The following PDE6A variants were observed in gnomAD, a reference collection of about 807,000 sequenced individuals.
PDE6A encodes phosphodiesterase 6A.
PDE6A carries 84 observed loss-of-function variants against 106.3 expected under a neutral mutation model. The ratio of observed to expected loss-of-function variants is 0.79; its 90% CI spans 0.66 to 0.95. PDE6A has a LOEUF of 0.95. PDE6A is among the 40% of genes least tolerant of loss of function. The pLI is 0.00. For synonymous variants in PDE6A, 394 were observed against 386.6 expected (o/e 1.02, Z -0.23); for missense variants, 1,052 against 1,084.9 (o/e 0.97, Z 0.43).
chr5:149,872,612 CT>C (rs1361974314), intron 17 of PDE6A, among the ~76,000 whole-genome samples: 1 of 152,190 alleles, frequency 6.6e-6, no homozygotes, highest in Non-Finnish European at 1.5e-5. Context: ...CAGCCTTCCT[CT>C]TAGCCAGCCC....
At chr5:149,871,005 G>T (rs1033824708) in intron 17 of PDE6A, among the ~76,000 whole-genome samples, 5 of 152,100 alleles carry the variant, frequency 3.3e-5, no homozygotes, top group African/African-American at 9.7e-5. Flanking sequence ...CTCAGTCCAG[G>T]TGCCATCTAA....
At chr5:149,909,426 CT>C (rs1317728564) in intron 6 of PDE6A, among the ~76,000 whole-genome samples, 4 of 152,232 alleles carry the variant, frequency 2.6e-5, no homozygotes, top group Non-Finnish European at 5.9e-5. Flanking sequence ...AGATGGTTTG[CT>C]CTACGAGACT....
intron 3 of PDE6A, among the ~76,000 whole-genome samples, chr5:149,931,546 A>T (rs188230520): frequency 6.6e-6 from 1 of 152,362 alleles, no homozygotes; most frequent in Admixed American, 6.5e-5. Flanking sequence ...ATTAATCTGT[A>T]CAAGTACCTA....
chr5:149,934,655 A>T lies in PDE6A; in HGVS notation c.538T>A (p.Ser180Thr). 1 of 1,613,860 alleles carries T rather than the reference A, an allele frequency of 6.2e-7. No homozygotes were observed. Among genetic ancestry groups the T allele is most frequent in the Non-Finnish European group, 8.5e-7 (1 of 1,179,768 alleles). Reference protein sequence around the residue: ...TEYKTKNILASPIMNGKDVVA... With the variant: ...TEYKTKNILATPIMNGKDVVA... ...ACATCCTTCCCATTCATTATGGGGG[A>T]AGCCAAGATGTTCTTGGTCTTGTAC... is the stretch of plus-strand genomic sequence containing the variant. The change falls in exon 2 of 22, where the codon TCC becomes ACC. Residue 180 changes from serine to threonine, a missense_variant. Ser to Thr is a moderately conservative substitution (Grantham distance 58, BLOSUM62 1). This residue lies in a region of PDE6A where 913 missense variants were observed against 915.2 expected (regional missense o/e 1.00). Transcript: ENST00000255266.
intron 17 of PDE6A, among the ~76,000 whole-genome samples, chr5:149,871,260 A>G (rs148169469): frequency 6.7e-4 from 102 of 152,310 alleles, no homozygotes; most frequent in African/African-American, 2.2e-3. Flanking sequence ...CTGGCTAGGA[A>G]GAGGCTGGGC....
At chr5:149,897,721 C>G (rs997520106) in intron 10 of PDE6A, among the ~76,000 whole-genome samples, 10 of 152,078 alleles carry the variant, frequency 6.6e-5, no homozygotes, top group African/African-American at 2.2e-4. Context: ...GCTGGGACTA[C>G]AGGCACACGC....
At chr5:149,920,942 A>AAAGAAAGAAAGAAAGAAAGAAAG (rs1554091210) in intron 5 of PDE6A, among the ~76,000 whole-genome samples, 1 of 108,282 alleles carries the variant, frequency 9.2e-6, no homozygotes. Flanking sequence ...GAAAGAGAGA[A>AAAGAAAGAAAGAAAGAAAGAAAG]AAAGAAAGAA....
rs1396376612 is a variant in PDE6A, at chr5:149,921,667, G to T, written c.901C>A (p.Pro301Thr). The T allele has an allele frequency of 1.2e-6, 2 of 1,613,808 alleles. No individual in the cohort carries two copies. Among genetic ancestry groups the T allele is most frequent in the African/African-American group, 2.7e-5 (2 of 74,900 alleles). The change falls in exon 5 of 22, where the codon CCT becomes ACT. Residue 301 changes from proline to threonine, a missense_variant. Physicochemically the swap from Pro to Thr is conservative, Grantham distance 38 (BLOSUM62 -1). Around this residue, in one of 3 missense-constraint regions of PDE6A, gnomAD observed 913 missense variants for 915.2 expected, o/e 1.00. Transcript: ENST00000255266. Reference sequence around the variant, plus strand: ...TCCGGAGTCCTGGGACCAGAGTAAGGTGGAACTTCACCCATCAGAACCGGC... The same window carrying T: ...TCCGGAGTCCTGGGACCAGAGTAAGTTGGAACTTCACCCATCAGAACCGGC... ...VWPVLMGEVP[P>T]YSGPRTPDGR...
At chr5:149,899,301 C>G in intron 9 of PDE6A, 74 bp downstream of exon 9, 2 of 1,470,356 alleles carry the variant, frequency 1.4e-6, no homozygotes, top group South Asian at 1.1e-5. Context: ...CATGTGATAG[C>G]GCAGTGACAC....
intron 1 of PDE6A, among the ~76,000 whole-genome samples, chr5:149,941,135 C>T (rs147414323): frequency 2.0e-3 from 304 of 152,280 alleles, no homozygotes; most frequent in Non-Finnish European, 3.6e-3. Context: ...GAAATTATTG[C>T]ATAATTACTT....
rs572454461 is a variant in PDE6A at position 149,861,500 on chromosome 5, A to C, written c.2507-529T>G. On this transcript the variant is annotated intron_variant, in intron 21 of 21. Coordinates refer to ENST00000255266, the MANE Select transcript of PDE6A (RefSeq NM_000440.3). ...CTGGTTTCTACAAAAAAATACAAAA[A>C]TTGGCCAGGCATGGTTGCATACACC... 1.5e-4 allele frequency among the ~76,000 whole-genome samples: 23 copies of C among 152,200 alleles called. No homozygotes were observed. The East Asian group carries it at 2.9e-3, about 19-fold the overall frequency.
At chr5:149,884,197 A>AT (rs1396828370) in intron 16 of PDE6A, among the ~76,000 whole-genome samples, 2,792 of 142,414 alleles carry the variant, frequency 0.02, 59 homozygotes, top group Middle Eastern at 0.051. Flanking sequence ...AGAAAAAAAA[A>AT]AAATATATAT....
Position 149,863,133 on chromosome 5 carries a change from T to G in PDE6A, c.2492A>C (p.Gln831Pro). 1 of 1,614,232 alleles carries G rather than the reference T, an allele frequency of 6.2e-7. No individual in the cohort carries two copies. The highest frequency in any genetic ancestry group is 8.5e-7 in the Non-Finnish European group (1 of 1,180,042). The change falls in exon 21 of 22, where the codon CAG (glutamine) becomes CCG (proline). Residue 831 changes from glutamine (Q) to proline (P), a missense_variant. By Grantham distance (76) the Gln-to-Pro change is moderately conservative. This residue lies in a region of PDE6A where 135 missense variants were observed against 153.2 expected (regional missense o/e 0.88). Transcript: ENST00000255266. The surrounding 1 kb of genome is among the most constrained non-coding windows in gnomAD (Gnocchi z 4.7). ...CTTCCACAAACCTGACTTGGCCGACTGCTGTTTCTGCTTCTTCTCCTCCTG... is the reference window on the plus strand; with the variant it reads ...CTTCCACAAACCTGACTTGGCCGACGGCTGTTTCTGCTTCTTCTCCTCCTG... Reference protein sequence around the residue: ...KVQEEKKQKQQSAKSAAAGNQ... With the variant: ...KVQEEKKQKQPSAKSAAAGNQ...
intron 17 of PDE6A, among the ~76,000 whole-genome samples, chr5:149,876,387 G>C (rs1289153578): frequency 8.7e-6 from 1 of 114,588 alleles, no homozygotes; most frequent in African/African-American, 3.4e-5. Flanking sequence ...GAGTCTCTCT[G>C]TTGCCCAGGC....
chr5:149,887,844 C>T (rs1010394380), intron 13 of PDE6A, among the ~76,000 whole-genome samples: 2 of 152,242 alleles, frequency 1.3e-5, no homozygotes, highest in South Asian at 2.1e-4. Flanking sequence ...AGACCCCTCC[C>T]GCCCATACCT....
At chr5:149,886,172 G>T in intron 14 of PDE6A, 93 bp downstream of exon 14, 1 of 930,496 alleles carries the variant, frequency 1.1e-6, no homozygotes, top group Non-Finnish European at 1.8e-6. Context: ...TGGACCACAA[G>T]ACTTCCCTGT....
chr5:149,894,883 C>T (rs1752676822), intron 13 of PDE6A, among the ~76,000 whole-genome samples: 1 of 152,148 alleles, frequency 6.6e-6, no homozygotes, highest in Non-Finnish European at 1.5e-5. Flanking sequence ...CCCGCCTCGG[C>T]ATCCCAAAGT....
At chr5:149,891,712 A>G (rs1752553134) in intron 13 of PDE6A, among the ~76,000 whole-genome samples, 1 of 152,096 alleles carries the variant, frequency 6.6e-6, no homozygotes, top group African/African-American at 2.4e-5. Context: ...CTGAGATGGG[A>G]AGATTGCTTG....
At position 149,934,591 on chromosome 5, in the gene PDE6A, G is replaced by T. The variant is rs750388125; in HGVS notation, c.602C>A (p.Ser201Tyr). The stretch of plus-strand genomic sequence containing the variant: ...CTCTTCATCTCTCTTGGTGAAGTGG[G>T]ATCCATCCACTTTATTCACAGCCAT... ...IIMAVNKVDGSHFTKRDEEIL... is the reference protein window; with the variant it reads ...IIMAVNKVDGYHFTKRDEEIL... The change falls in exon 2 of 22, where the codon TCC becomes TAC. Residue 201 changes from serine to tyrosine, a missense_variant. Ser to Tyr is a moderately radical substitution (Grantham distance 144, BLOSUM62 -2). This residue lies in a region of PDE6A where 913 missense variants were observed against 915.2 expected (regional missense o/e 1.00). Coordinates refer to ENST00000255266, the MANE Select transcript of PDE6A (RefSeq NM_000440.3). The T allele has an allele frequency of 3.1e-6, 5 of 1,613,912 alleles. No individual in the cohort carries two copies. Among genetic ancestry groups the T allele is most frequent in the Non-Finnish European group, 4.2e-6 (5 of 1,179,902 alleles).
Sources: allele counts gnomAD v4.1 joint callset (sites outside exome capture counted in the v4.1 genomes callset), GRCh38; gene constraint gnomAD v4.1.1; regional missense constraint gnomAD v4.1.1; non-coding constraint Gnocchi (gnomAD v3.1); transcripts MANE v1.5; gene names NCBI Gene and HGNC (gene_info 2026-07-23, HGNC 2026-07-21).